Variants in AFF2 observed in about 807,000 individuals in gnomAD.
AFF2 encodes the protein AF4/FMR2 family member 2.
A neutral mutation model predicts 76.9 loss-of-function variants in AFF2; 14 were observed. That is an observed-to-expected ratio of 0.18 (90% CI 0.12 to 0.28). AFF2 has a LOEUF of 0.28. AFF2 is among the 10% of genes least tolerant of loss of function. AFF2 has a pLI of 1.00. For synonymous variants in AFF2, 398 were observed against 366.7 expected (o/e 1.09, Z -0.98); for missense variants, 868 against 1,001.1 (o/e 0.87, Z 1.79).
chrX:148,873,407 A>G (rs1274667769), intron 7 of AFF2, among the ~76,000 whole-genome samples: 1 of 110,029 alleles, frequency 9.1e-6, no homozygotes, highest in Non-Finnish European at 1.9e-5. Context: ...CTGATCAGCA[A>G]GAATGGACAC....
At chrX:148,800,273 G>A (rs940736721) in intron 3 of AFF2, among the ~76,000 whole-genome samples, 7 of 111,556 alleles carry the variant, frequency 6.3e-5, no homozygotes, top group African/African-American at 9.8e-5. Flanking sequence ...TCCTAAGTGC[G>A]GAGTATAGAG....
Position 148,963,039 on chromosome X carries a change from A to T in AFF2, c.2913+102A>T, listed in dbSNP as rs1156367577. ...GATGTTGCAGGAGGAAGGGAGGAAG[A>T]TGCAGAGAAGAAATATGAGAGGCCT... On this transcript the variant is annotated intron_variant, in intron 13 of 20. Transcript: ENST00000370460. 7 of 568,364 alleles carry T rather than the reference A, an allele frequency of 1.2e-5. No homozygotes were observed. The African/African-American group carries it at 1.4e-4, about 11-fold the overall frequency. The allele number at this position is 568,364 out of a possible 1,213,427, so 46.8% of individuals were successfully genotyped here. A position where few individuals can be genotyped will look rare whatever the true frequency, so the allele number is the denominator to read the frequency against.
intron 16 of AFF2, among the ~76,000 whole-genome samples, chrX:148,977,483 C>A (rs886286635): frequency 2.5e-4 from 28 of 110,900 alleles, no homozygotes; most frequent in Non-Finnish European, 4.7e-4. Context: ...TCATGTCAGA[C>A]ATAGTTATAT....
At chrX:148,566,502 A>G (rs886427248) in intron 1 of AFF2, among the ~76,000 whole-genome samples, 1 of 111,459 alleles carries the variant, frequency 9.0e-6, no homozygotes, top group African/African-American at 3.3e-5. Flanking sequence ...CTCTATTTGA[A>G]TCAGAGCAAT....
intron 3 of AFF2, among the ~76,000 whole-genome samples, chrX:148,699,400 A>G (rs781972700): frequency 3.6e-5 from 4 of 112,119 alleles, no homozygotes; most frequent in Non-Finnish European, 7.5e-5. Flanking sequence ...GGTTTAGAGT[A>G]AGCTGCTACG....
chrX:148,723,751 C>A (rs1371301745), intron 3 of AFF2, among the ~76,000 whole-genome samples: 1 of 110,980 alleles, frequency 9.0e-6, no homozygotes, highest in Non-Finnish European at 1.9e-5. Flanking sequence ...CAATTACTGC[C>A]AGTGGAGCCT....
chrX:148,973,503 T>C lies in AFF2; in HGVS notation c.3300T>C (p.Ala1100=). Residue 1100 remains alanine, a synonymous_variant, in exon 16 of 21, where the codon GCT becomes GCC. Transcript: ENST00000370460. ...FEKFGKAVNY[A]DAALSFTECG... is the part of the protein sequence containing the mutation. ...AATTTGGCAAAGCTGTGAATTATGC[T>C]GATGCCGCCCTCTCCTTCACTGAAT... The C allele has an allele frequency of 8.3e-7, 1 of 1,211,801 alleles. No homozygotes were observed. The highest frequency in any genetic ancestry group is 1.8e-5 in the South Asian group (1 of 56,969).
chrX:148,596,493 T>C (rs2053573397), intron 1 of AFF2, among the ~76,000 whole-genome samples: 1 of 111,839 alleles, frequency 8.9e-6, no homozygotes, highest in Non-Finnish European at 1.9e-5. Flanking sequence ...ATACAATAGG[T>C]ACTTGAGATG....
chrX:148,623,878 C>T (rs1010548559), intron 1 of AFF2, among the ~76,000 whole-genome samples: 4 of 110,602 alleles, frequency 3.6e-5, no homozygotes, highest in Non-Finnish European at 5.7e-5. Context: ...CCTCTTTCAA[C>T]GTGAGGTTTC....
intron 1 of AFF2, among the ~76,000 whole-genome samples, chrX:148,541,307 T>C (rs1239845428): frequency 8.9e-6 from 1 of 112,239 alleles, no homozygotes; most frequent in Non-Finnish European, 1.9e-5. Flanking sequence ...GAATTTAACA[T>C]ACAAGTTTTT....
At chrX:148,645,350 TTC>T (rs2054134641) in intron 1 of AFF2, among the ~76,000 whole-genome samples, 1 of 112,298 alleles carries the variant, frequency 8.9e-6, no homozygotes, top group South Asian at 3.7e-4. Flanking sequence ...AAAGTTAATT[TTC>T]ATGTTCAAAG....
At chrX:148,660,442 C>T (rs1347916843) in intron 2 of AFF2, among the ~76,000 whole-genome samples, 1 of 112,049 alleles carries the variant, frequency 8.9e-6, no homozygotes, top group Non-Finnish European at 1.9e-5. Context: ...TAGCCATCTG[C>T]ATATCCTCCC....
rs782191755 is a variant in AFF2 at position 148,808,912 on chromosome X, G to A, written c.1042-964G>A. 8.6e-4 allele frequency among the ~76,000 whole-genome samples: 96 copies of A among 111,460 alleles called. 1 individual carries two copies. Among genetic ancestry groups the A allele is most frequent in the African/African-American group, 1.5e-3 (45 of 30,643 alleles). ...TAAGTCTGTTGGGGAGTTAATAATC[G>A]TCCTTGCAAGAGGCCTGGGCAATGT... On this transcript the variant is annotated intron_variant, in intron 3 of 20. Coordinates refer to ENST00000370460, the MANE Select transcript of AFF2 (RefSeq NM_002025.4).
At chrX:148,701,340 T>G (rs1291885284) in intron 3 of AFF2, among the ~76,000 whole-genome samples, 2 of 111,398 alleles carry the variant, frequency 1.8e-5, no homozygotes. Context: ...TTAAAGTGCT[T>G]TTTAAAAATG....
chrX:148,960,175 G>A (rs868929620), intron 12 of AFF2, among the ~76,000 whole-genome samples: 4 of 112,576 alleles, frequency 3.6e-5, no homozygotes, highest in Non-Finnish European at 7.5e-5. Flanking sequence ...TTATTTAGCA[G>A]CTCCTTCACT....
intron 1 of AFF2, among the ~76,000 whole-genome samples, chrX:148,525,831 A>G (rs2052652036): frequency 8.9e-6 from 1 of 111,828 alleles, no homozygotes; most frequent in Admixed American, 9.5e-5. Flanking sequence ...AATGTATCCC[A>G]TAGTAGGGAC....
chrX:148,707,811 A>G (rs1316755716), intron 3 of AFF2, among the ~76,000 whole-genome samples: 1 of 111,845 alleles, frequency 8.9e-6, no homozygotes, highest in Non-Finnish European at 1.9e-5. Context: ...CGTGCTTTGT[A>G]TTAGTGTTTT....
chrX:148,958,158 G>A (rs782334504), intron 11 of AFF2, among the ~76,000 whole-genome samples, 179 bp from the exon 12 acceptor site: 1 of 111,748 alleles, frequency 8.9e-6, no homozygotes, highest in African/African-American at 3.3e-5. Flanking sequence ...TGTAGGACTC[G>A]GCTAGGCAAG....
At chrX:148,974,668 T>C (rs2072299897) in intron 16 of AFF2, among the ~76,000 whole-genome samples, 1 of 112,189 alleles carries the variant, frequency 8.9e-6, no homozygotes, top group Non-Finnish European at 1.9e-5. Context: ...AATCAGAAGT[T>C]TAGTTAGAGC....
Sources: gnomAD v4.1 joint callset for allele counts (sites outside exome capture counted in the v4.1 genomes callset) on GRCh38, gnomAD v4.1.1 for gene constraint, MANE v1.5 for transcripts, NCBI Gene and HGNC (gene_info 2026-07-23, HGNC 2026-07-21) for gene names.